The following FBXO34 variants were observed in gnomAD, a reference collection of about 807,000 sequenced individuals.
The protein encoded by FBXO34 is F-box protein 34.
FBXO34 carries 12 observed loss-of-function variants against 24.5 expected under a neutral mutation model. That is an observed-to-expected ratio of 0.49 (90% CI 0.31 to 0.79). The LOEUF (loss-of-function observed/expected upper bound fraction) is 0.79, where lower values mean the gene tolerates loss of function less well. Among genes scored for constraint, FBXO34 ranks in the 30% least tolerant of loss-of-function variants. The pLI, the probability that FBXO34 is intolerant of heterozygous loss-of-function variation, is 0.04. For missense variants in FBXO34, 823 were observed against 857.7 expected (o/e 0.96, Z 0.51); for synonymous variants, 320 against 311.9 (o/e 1.03, Z -0.27).
At chr14:55,307,378 G>A (rs1882588646) in intron 1 of FBXO34, among the ~76,000 whole-genome samples, 1 of 152,184 alleles carries the variant, frequency 6.6e-6, no homozygotes, top group Non-Finnish European at 1.5e-5. Flanking sequence ...GTGGAGGCAA[G>A]CAAAACAATG....
the FBXO34 span, among the ~76,000 whole-genome samples, chr14:55,382,974 AGAGT>A: frequency 6.6e-6 from 1 of 152,280 alleles, no homozygotes; most frequent in Non-Finnish European, 1.5e-5. Flanking sequence ...AAATTAGTAA[AGAGT>A]GACACTGTTT....
chr14:55,396,898 C>T, the FBXO34 span, among the ~76,000 whole-genome samples: 10 of 152,264 alleles, frequency 6.6e-5, no homozygotes, highest in South Asian at 2.1e-4. Flanking sequence ...CCCAGAGCTA[C>T]TGAATCAGAA....
At chr14:55,388,719 G>C in the FBXO34 span, among the ~76,000 whole-genome samples, 1 of 152,172 alleles carries the variant, frequency 6.6e-6, no homozygotes, top group Admixed American at 6.5e-5. Context: ...ATGAGTCCGA[G>C]CATAGTTTCT....
chr14:55,312,770 C>T (rs1594745072), intron 1 of FBXO34, among the ~76,000 whole-genome samples: 1 of 152,226 alleles, frequency 6.6e-6, no homozygotes, highest in African/African-American at 2.4e-5. Flanking sequence ...GGCACCAAGT[C>T]TTGAGACTGC....
intron 1 of FBXO34, among the ~76,000 whole-genome samples, chr14:55,277,756 A>G (rs931865600): frequency 1.3e-5 from 2 of 152,226 alleles, no homozygotes; most frequent in African/African-American, 4.8e-5. Flanking sequence ...TTATAATTCT[A>G]TCCAAGTCGT....
At chr14:55,373,467 T>A (rs2140120542), downstream of FBXO34, among the ~76,000 whole-genome samples, 1 of 152,232 alleles carries the variant, frequency 6.6e-6, no homozygotes, top group South Asian at 2.1e-4. Context: ...TATTACTTAT[T>A]TTTTTATTTT....
exon 3 of FBXO34, chr14:55,368,029 T>C (rs751049306): frequency 3.9e-5 from 6 of 152,638 alleles, no homozygotes; most frequent in Non-Finnish European, 5.9e-5. Context: ...ACATAAGATA[T>C]GGTAATAATG....
chr14:55,278,486 G>C (rs564810143), intron 1 of FBXO34, among the ~76,000 whole-genome samples: 1 of 152,230 alleles, frequency 6.6e-6, no homozygotes, highest in Non-Finnish European at 1.5e-5. Context: ...ATACTTGTGT[G>C]ATCAGACTTA....
At chr14:55,427,006 C>T in the FBXO34 span, among the ~76,000 whole-genome samples, 2 of 152,196 alleles carry the variant, frequency 1.3e-5, no homozygotes, top group African/African-American at 2.4e-5. Context: ...TAGACACAAC[C>T]TTAGAGTTCG....
At chr14:55,276,794 A>G (rs1881360109) in intron 1 of FBXO34, among the ~76,000 whole-genome samples, 2 of 152,226 alleles carry the variant, frequency 1.3e-5, no homozygotes, top group Admixed American at 6.5e-5. Context: ...AATCAGACGA[A>G]TTCTTGGGGA....
chr14:55,405,312 C>T, the FBXO34 span, among the ~76,000 whole-genome samples: 6 of 152,150 alleles, frequency 3.9e-5, no homozygotes, highest in Admixed American at 3.9e-4. Context: ...TTGAAATCTG[C>T]AATAATATTT....
chr14:55,288,145 G>T lies in FBXO34; in HGVS notation c.-11+16608G>T, dbSNP rs538131293. ...AATATAATTTATTACTTAAGAAGTT[G>T]CTTGTAATTGGTATGGATCAATAAT... On this transcript the variant is annotated intron_variant, in intron 1 of 1. Coordinates refer to ENST00000313833, the MANE Select transcript of FBXO34 (RefSeq NM_017943.4). Among the ~76,000 whole-genome samples the T allele has an allele frequency of 1.1e-4, 17 of 152,250 alleles. No homozygotes were observed. The East Asian group carries it at 3.1e-3, about 28-fold the overall frequency.
At chr14:55,436,993 G>A in the FBXO34 span, 1 of 1,614,090 alleles carries the variant, frequency 6.2e-7, no homozygotes, top group South Asian at 1.1e-5. Flanking sequence ...GCTGAACAGG[G>A]GAGACCTGGG....
At chr14:55,364,883 C>CT (rs1374004663), downstream of FBXO34, among the ~76,000 whole-genome samples, 1 of 151,622 alleles carries the variant, frequency 6.6e-6, no homozygotes, top group African/African-American at 2.4e-5. Flanking sequence ...ACCACAGATG[C>CT]ACACGACCAT....
At chr14:55,298,645 T>C in intron 1 of FBXO34, 6 of 1,474,620 alleles carry the variant, frequency 4.1e-6, no homozygotes, top group Non-Finnish European at 5.6e-6. Flanking sequence ...CGGCGAGCGC[T>C]GTTCGGGGCT....
intron 1 of FBXO34, among the ~76,000 whole-genome samples, chr14:55,295,497 C>T (rs569509015): frequency 2.0e-4 from 29 of 147,568 alleles, no homozygotes; most frequent in Non-Finnish European, 3.4e-4. Context: ...TGGGCTCAAG[C>T]GATTCTCCAG....
chr14:55,349,638 C>T (rs1163319088), intron 1 of FBXO34, among the ~76,000 whole-genome samples: 4 of 114,116 alleles, frequency 3.5e-5, no homozygotes, highest in Non-Finnish European at 5.3e-5. Context: ...GACAAAGTCT[C>T]GCTCTGTTGC....
downstream of FBXO34, among the ~76,000 whole-genome samples, chr14:55,356,728 G>A (rs1019047834): frequency 6.6e-6 from 1 of 152,036 alleles, no homozygotes. Flanking sequence ...AAAGTGCTGG[G>A]ATTACAGGCG....
intron 1 of FBXO34, among the ~76,000 whole-genome samples, chr14:55,302,446 CTTTT>C (rs199946477): frequency 7.7e-6 from 1 of 129,662 alleles, no homozygotes; most frequent in Non-Finnish European, 1.6e-5. Flanking sequence ...TCTGTAGCCT[CTTTT>C]TTGTTTTTTT....
Sources: gnomAD v4.1 joint callset for allele counts (sites outside exome capture counted in the v4.1 genomes callset) on GRCh38, gnomAD v4.1.1 for gene constraint, MANE v1.5 for transcripts, NCBI Gene and HGNC (gene_info 2026-07-23, HGNC 2026-07-21) for gene names.